The following NUB1 variants were observed in gnomAD, a reference collection of about 807,000 sequenced individuals.
NUB1 encodes the protein negative regulator of ubiquitin like proteins 1, also known as NEDD8 ultimate buster 1.
Under a neutral mutation model 77.1 loss-of-function variants are expected in NUB1, and 41 were observed. The observed-to-expected ratio is 0.53, with a 90% CI of 0.41 to 0.69. NUB1 has a LOEUF of 0.69. Among genes scored for constraint, NUB1 ranks in the 30% least tolerant of loss-of-function variants. The pLI is 0.00. For synonymous variants in NUB1, 257 were observed against 281.0 expected (o/e 0.91, Z 0.85); for missense variants, 643 against 743.8 (o/e 0.86, Z 1.58).
In NUB1 at chr7:151,367,412, C is replaced by A. The variant is rs534006709; in HGVS notation, c.987+287C>A. On this transcript the variant is annotated intron_variant, in intron 9 of 14. Coordinates refer to ENST00000568733, the MANE Select transcript of NUB1 (RefSeq NM_001243351.2). ...GAGAGAGCTGCTGACTTCTTTATAT[C>A]GGTAGAGTCTAATTTGCAAGATGTA... Among the ~76,000 whole-genome samples, 341 of 152,244 alleles carry A rather than the reference C, an allele frequency of 2.2e-3. 2 individuals are homozygous for A. Among genetic ancestry groups the A allele is most frequent in the African/African-American group, 7.7e-3 (318 of 41,540 alleles).
rs1056577402 is a variant in NUB1, at chr7:151,356,316, G to T, written c.693+94G>T. 4.4e-6 allele frequency: 4 copies of T among 916,802 alleles called. No homozygotes were observed. The African/African-American group carries it at 4.9e-5, about 11-fold the overall frequency. 56.8% of individuals were successfully genotyped at this position (916,802 alleles called of 1,614,324 possible). ...GCTTTATGTTGGAAGTGTTGTAAAGGGTTGGAAACAGTGCTCCATCTCCAG... is the reference window on the plus strand; with the variant it reads ...GCTTTATGTTGGAAGTGTTGTAAAGTGTTGGAAACAGTGCTCCATCTCCAG... On this transcript the variant is annotated intron_variant, in intron 7 of 14. Transcript: ENST00000568733.
At chr7:151,343,809 T>G in intron 1 of NUB1, among the ~76,000 whole-genome samples, 1 of 152,064 alleles carries the variant, frequency 6.6e-6, no homozygotes, top group East Asian at 1.9e-4. Flanking sequence ...GCTGCCTAAT[T>G]TTGTGTCTTT....
chr7:151,359,648 A>G (rs775463854), intron 7 of NUB1, among the ~76,000 whole-genome samples: 4 of 150,820 alleles, frequency 2.7e-5, no homozygotes, highest in African/African-American at 9.8e-5. Flanking sequence ...ATGGTGGCTC[A>G]TGCCTGTAGT....
chr7:151,369,389 C>T (rs1267272439), intron 11 of NUB1, among the ~76,000 whole-genome samples: 2 of 152,124 alleles, frequency 1.3e-5, no homozygotes, highest in Non-Finnish European at 2.9e-5. Context: ...GGCAAACGGT[C>T]CCCTCTCTCT....
chr7:151,374,448 A>C, intron 12 of NUB1: 1 of 666,676 alleles, frequency 1.5e-6, no homozygotes. Flanking sequence ...TGCTTGGCCC[A>C]GGCCTGGCTC....
At chr7:151,373,842 C>G (rs1165357274) in intron 11 of NUB1, among the ~76,000 whole-genome samples, 1 of 152,150 alleles carries the variant, frequency 6.6e-6, no homozygotes, top group Non-Finnish European at 1.5e-5. Context: ...GCGGGGCTGG[C>G]GAGGCACCTC....
At position 151,368,835 on chromosome 7, in the gene NUB1, C is replaced by T. The variant is rs773223853; in HGVS notation, c.1196C>T (p.Ala399Val). The change falls in exon 11 of 15, where the codon GCG becomes GTG. Residue 399 changes from alanine to valine, a missense_variant. Transcript: ENST00000568733. Reference sequence around the variant, plus strand: ...CAGGAAGCCCGGCTTGGCCTGAGGGCGTGTGATGGGAACGTGGATCATGCG... The same window carrying T: ...CAGGAAGCCCGGCTTGGCCTGAGGGTGTGTGATGGGAACGTGGATCATGCG... ...TAQEARLGLRACDGNVDHAAT... is the reference protein window; with the variant it reads ...TAQEARLGLRVCDGNVDHAAT... The T allele has an allele frequency of 6.8e-6, 11 of 1,613,934 alleles. No individual in the cohort carries two copies. Among genetic ancestry groups the T allele is most frequent in the South Asian group, 2.2e-5 (2 of 91,070 alleles).
chr7:151,368,216 G>A (rs1797783641), intron 10 of NUB1, among the ~76,000 whole-genome samples: 1 of 152,192 alleles, frequency 6.6e-6, no homozygotes, highest in African/African-American at 2.4e-5. Context: ...GCCGTCTAGA[G>A]GTGAGCCAGG....
intron 11 of NUB1, among the ~76,000 whole-genome samples, chr7:151,371,795 G>A (rs937279395): frequency 1.3e-5 from 2 of 152,172 alleles, no homozygotes; most frequent in Non-Finnish European, 2.9e-5. Flanking sequence ...CCAGGCTGGA[G>A]GGCAGTGGCG....
At position 151,368,749 on chromosome 7, in the gene NUB1, T is replaced by C; in HGVS notation, c.1110T>C (p.Phe370=). The change falls in exon 11 of 15, where the codon TTT becomes TTC. Residue 370 remains phenylalanine, a synonymous_variant. Transcript: ENST00000568733. ...YEYLNKARQL[F]KELYIDPSKV... is the part of the protein sequence containing the mutation. Reference sequence around the variant, plus strand: ...CCTGTCTCTAGGCACGTCAGCTCTTTAAAGAGCTATATATTGATCCATCAA... The same window carrying C: ...CCTGTCTCTAGGCACGTCAGCTCTTCAAAGAGCTATATATTGATCCATCAA... 6.2e-7 allele frequency: 1 copy of C among 1,609,808 alleles called. No homozygotes were observed. The highest frequency in any genetic ancestry group is 8.5e-7 in the Non-Finnish European group (1 of 1,178,132).
intron 4 of NUB1, chr7:151,352,296 A>C (rs2150672813): frequency 5.4e-6 from 2 of 368,284 alleles, no homozygotes. Context: ...GTAAAACGGA[A>C]AGTTTAAAAA....
At chr7:151,350,001 A>T (rs907030365) in intron 3 of NUB1, among the ~76,000 whole-genome samples, 1 of 152,228 alleles carries the variant, frequency 6.6e-6, no homozygotes, top group African/African-American at 2.4e-5. Context: ...GTCATCTCCA[A>T]TGATTGATAA....
At chr7:151,352,549 C>T (rs1308608085) in intron 4 of NUB1, among the ~76,000 whole-genome samples, 1 of 152,118 alleles carries the variant, frequency 6.6e-6, no homozygotes, top group East Asian at 1.9e-4. Context: ...TTCAAGCAAT[C>T]CTCCTACCCA....
In NUB1 at chr7:151,376,807, C is replaced by T. The variant is rs773550729; in HGVS notation, c.1665C>T (p.Ser555=). 1.3e-5 allele frequency: 21 copies of T among 1,581,286 alleles called. No individual in the cohort carries two copies. The highest frequency in any genetic ancestry group is 9.2e-5 in the South Asian group (8 of 86,584). ...LSPPATSPSD[S]AGTSSASTDE... The stretch of plus-strand genomic sequence containing the variant: ...CGCCAGCCACGTCCCCTTCTGACTC[C>T]GCAGGTAGGTCTGAGGTCTTTGAGG... The change falls in exon 14 of 15, where the codon TCC becomes TCT. Residue 555 remains serine (S), a synonymous_variant. Coordinates refer to ENST00000568733, the MANE Select transcript of NUB1 (RefSeq NM_001243351.2).
intron 4 of NUB1, among the ~76,000 whole-genome samples, chr7:151,351,852 A>T (rs1388875951): frequency 6.6e-6 from 1 of 151,966 alleles, no homozygotes; most frequent in African/African-American, 2.4e-5. Context: ...CTAATGTATT[A>T]ATAGCTTGCT....
intron 4 of NUB1, among the ~76,000 whole-genome samples, chr7:151,351,728 A>G (rs1262335519): frequency 1.3e-5 from 2 of 152,208 alleles, no homozygotes; most frequent in Non-Finnish European, 1.5e-5. Context: ...TGGGAACTCC[A>G]TGCCTATCAT....
intron 13 of NUB1, chr7:151,376,288 G>T: frequency 2.1e-6 from 1 of 468,364 alleles, no homozygotes; most frequent in Non-Finnish European, 3.9e-6. Flanking sequence ...CCCAAGTGAC[G>T]GCTCTGTCCA....
At chr7:151,369,689 A>G (rs1281327554) in intron 11 of NUB1, among the ~76,000 whole-genome samples, 1 of 152,256 alleles carries the variant, frequency 6.6e-6, no homozygotes, top group Non-Finnish European at 1.5e-5. Context: ...ATGGTGGAAT[A>G]TTAGCAGGAG....
chr7:151,345,539 A>G (rs1020696647), intron 2 of NUB1, 73 bp downstream of exon 2: 1 of 837,064 alleles, frequency 1.2e-6, no homozygotes, highest in South Asian at 1.8e-5. Context: ...CTGAATTGTC[A>G]GGCATGACCA....
Sources: gnomAD v4.1 joint callset for allele counts (sites outside exome capture counted in the v4.1 genomes callset) on GRCh38, gnomAD v4.1.1 for gene constraint, MANE v1.5 for transcripts, NCBI Gene and HGNC (gene_info 2026-07-23, HGNC 2026-07-21) for gene names.